Variants in CAPS2 observed in about 807,000 individuals in gnomAD.
The protein encoded by CAPS2 is calcyphosin-2.
CAPS2 carries 98 observed loss-of-function variants against 86.5 expected under a neutral mutation model. The observed-to-expected ratio is 1.13, with a 90% confidence interval of 0.96 to 1.34. CAPS2 has a LOEUF of 1.34. CAPS2 is among the 40% of genes most tolerant of loss of function. The pLI, the probability that CAPS2 is intolerant of heterozygous loss-of-function variation, is 0.00. For missense variants in CAPS2, 729 were observed against 686.8 expected, an observed-to-expected ratio of 1.06 and a Z score of -0.69; for synonymous variants, 210 against 225.1, an observed-to-expected ratio of 0.93 and a Z score of 0.60.
At chr12:75,305,935 G>A in intron 7 of CAPS2, 1 of 1,073,612 alleles carries the variant, frequency 9.3e-7, no homozygotes, top group Non-Finnish European at 1.4e-6. Context: ...GCTGGTGAAA[G>A]CGCTGGAGCC....
intron 1 of CAPS2, among the ~76,000 whole-genome samples, chr12:75,376,693 C>A (rs758128095): frequency 1.4e-4 from 22 of 152,198 alleles, no homozygotes; most frequent in Non-Finnish European, 1.9e-4. Flanking sequence ...TCCCACACAT[C>A]CCCATTCCAA....
At chr12:75,291,480 C>CATATATATATAT (rs556770226) in intron 13 of CAPS2, among the ~76,000 whole-genome samples, 3 of 18,636 alleles carry the variant, frequency 1.6e-4, no homozygotes, top group African/African-American at 2.7e-4. Flanking sequence ...ACAATAAAAG[C>CATATATATATAT]ATATATATAT....
rs146546138 is a variant in CAPS2 at position 75,293,542 on chromosome 12, T to A, written c.1045-175A>T. On this transcript the variant is annotated intron_variant, in intron 11 of 16. Transcript: ENST00000393284. ...TGGAGAAACTATATAGATAAACCAA[T>A]ATCTCTGTCAATCTCAGAAGTCTTC... Among the ~76,000 whole-genome samples, 404 of 152,342 alleles carry A rather than the reference T, an allele frequency of 2.7e-3. 3 individuals carry two copies. Among genetic ancestry groups the A allele is most frequent in the African/African-American group, 9.4e-3 (390 of 41,582 alleles).
chr12:75,387,950 T>C (rs1323539926), intron 1 of CAPS2, among the ~76,000 whole-genome samples: 1 of 152,248 alleles, frequency 6.6e-6, no homozygotes, highest in Non-Finnish European at 1.5e-5. Context: ...TGAAAACTTA[T>C]GTCTACACAG....
chr12:75,338,509 AT>A (rs895120641), intron 1 of CAPS2, among the ~76,000 whole-genome samples: 2 of 151,200 alleles, frequency 1.3e-5, no homozygotes, highest in South Asian at 2.1e-4. Context: ...CTTTTATTTC[AT>A]TTTTTTTCCA....
At chr12:75,279,198 A>G in intron 16 of CAPS2, 133 bp from the exon 17 acceptor site, 1 of 798,776 alleles carries the variant, frequency 1.3e-6, no homozygotes, top group South Asian at 2.0e-5. Context: ...CTACCAGCCA[A>G]TTTATTTACA....
At chr12:75,298,692 A>G (rs1593335456) in exon 11 of CAPS2, 2 of 1,613,156 alleles carry the variant, frequency 1.2e-6, no homozygotes, top group Non-Finnish European at 1.7e-6. Context: ...CTTACAACAT[A>G]AAAATCACCA....
chr12:75,390,771 T>G (rs2045549141), intron 1 of CAPS2: 4 of 514,196 alleles, frequency 7.8e-6, no homozygotes, highest in Non-Finnish European at 1.6e-5. Context: ...CGACATATCA[T>G]TCAGTGTCAG....
At chr12:75,390,367 G>A (rs1346696075) in intron 1 of CAPS2, 1 of 456,278 alleles carries the variant, frequency 2.2e-6, no homozygotes, top group Non-Finnish European at 4.4e-6. Flanking sequence ...GATATTCCGG[G>A]CTGTCTGAAT....
chr12:75,363,078 A>C (rs1337313198), intron 1 of CAPS2: 1 of 1,295,688 alleles, frequency 7.7e-7, no homozygotes, highest in Non-Finnish European at 1.1e-6. Flanking sequence ...CCATTTGGCT[A>C]ATCAATGTTT....
intron 11 of CAPS2, among the ~76,000 whole-genome samples, chr12:75,297,326 A>ATGTATAG (rs1290062464): frequency 6.6e-6 from 1 of 152,200 alleles, no homozygotes; most frequent in Non-Finnish European, 1.5e-5. Flanking sequence ...TGAGTGTCAT[A>ATGTATAG]TGTATAGTGT....
At chr12:75,370,848 T>G (rs941234975) in intron 1 of CAPS2, among the ~76,000 whole-genome samples, 1 of 152,180 alleles carries the variant, frequency 6.6e-6, no homozygotes, top group Non-Finnish European at 1.5e-5. Flanking sequence ...TATTCAGTAC[T>G]GGCATTTCTT....
At chr12:75,365,324 T>A (rs977299352) in intron 1 of CAPS2, 1 of 152,086 alleles carries the variant, frequency 6.6e-6, no homozygotes, top group Admixed American at 6.6e-5. Context: ...TAAAAAAGAA[T>A]GTGTGTGTTA....
At chr12:75,285,030 A>G (rs1410885260) in exon 15 of CAPS2, 1 of 1,611,610 alleles carries the variant, frequency 6.2e-7, no homozygotes, top group Non-Finnish European at 8.5e-7. Context: ...CTCCATAATC[A>G]ACCTTGCCAT....
upstream of CAPS2, among the ~76,000 whole-genome samples, chr12:75,331,524 A>T (rs2041304207): frequency 2.6e-5 from 4 of 152,228 alleles, no homozygotes; most frequent in South Asian, 8.3e-4. Flanking sequence ...AAAAATAAAT[A>T]GCAGAAAACA....
chr12:75,308,975 G>A (rs867157681), intron 7 of CAPS2, among the ~76,000 whole-genome samples: 2 of 151,716 alleles, frequency 1.3e-5, no homozygotes, highest in African/African-American at 4.8e-5. Context: ...CCTGTCAGGG[G>A]CAGCTCCTCA....
rs1450023605 is a variant in CAPS2, at chr12:75,289,483, G to T, written c.1395+138C>A. 8.5e-6 allele frequency: 6 copies of T among 708,470 alleles called. No individual in the cohort carries two copies. The African/African-American group carries it at 1.1e-4, about 13-fold the overall frequency. 43.9% of individuals were successfully genotyped at this position (708,470 alleles called of 1,614,324 possible). ...TAAACTTTAAAAACCAACAGGGCTT[G>T]TAACCTGATAGCTTAACACTGATAA... is the stretch of plus-strand genomic sequence containing the variant. On this transcript the variant is annotated intron_variant, in intron 14 of 16. Coordinates refer to ENST00000393284, the Ensembl canonical transcript of CAPS2.
chr12:75,285,291 T>C (rs945343935), intron 14 of CAPS2, among the ~76,000 whole-genome samples: 1 of 152,050 alleles, frequency 6.6e-6, no homozygotes, highest in Non-Finnish European at 1.5e-5. Flanking sequence ...TTAGGAGCCA[T>C]TTAGGAATGG....
intron 7 of CAPS2, 119 bp downstream of exon 7, chr12:75,312,729 G>A (rs1484776596): frequency 3.3e-6 from 2 of 614,986 alleles, no homozygotes; most frequent in Non-Finnish European, 5.8e-6. Context: ...AACAGAGAAA[G>A]TTTGGGAACC....
Sources: gnomAD v4.1 joint callset for allele counts (sites outside exome capture counted in the v4.1 genomes callset) on GRCh38, gnomAD v4.1.1 for gene constraint, MANE v1.5 for transcripts, NCBI Gene and HGNC (gene_info 2026-07-23, HGNC 2026-07-21) for gene names.